Variants in PPFIA2 observed in about 807,000 individuals in gnomAD.
PPFIA2 encodes liprin-alpha-2.
Under a neutral mutation model 175.5 loss-of-function variants are expected in PPFIA2, and 46 were observed. That is an observed-to-expected ratio of 0.26 (90% CI 0.21 to 0.34). The LOEUF (loss-of-function observed/expected upper bound fraction) is 0.34, where lower values mean the gene tolerates loss of function less well. PPFIA2 is among the 10% of genes least tolerant of loss of function. The pLI, the probability that PPFIA2 is intolerant of heterozygous loss-of-function variation, is 1.00. For synonymous variants in PPFIA2, 568 were observed against 511.4 expected, an observed-to-expected ratio of 1.11 and a Z score of -1.49; for missense variants, 1,179 against 1,506.1, an observed-to-expected ratio of 0.78 and a Z score of 3.60.
At chr12:81,518,800 A>G (rs1476792234) in intron 4 of PPFIA2, among the ~76,000 whole-genome samples, 1 of 152,182 alleles carries the variant, frequency 6.6e-6, no homozygotes, top group Non-Finnish European at 1.5e-5. Context: ...TCAGATGGTG[A>G]AACTGTGGCT....
intron 4 of PPFIA2, among the ~76,000 whole-genome samples, chr12:81,487,245 A>G (rs1308022554): frequency 6.6e-6 from 1 of 151,900 alleles, no homozygotes; most frequent in Non-Finnish European, 1.5e-5. Context: ...CAAGGAGGTT[A>G]AAGTCTCCAG....
rs1555549748 is a variant in PPFIA2, at chr12:81,642,769, T to TATATATTATATACCTAC, written c.303+34021_303+34022insGTAGGTATATAATATAT. Among the ~76,000 whole-genome samples, 10 of 31,608 alleles carry TATATATTATATACCTAC rather than the reference T, an allele frequency of 3.2e-4. 3 individuals carry two copies. Among genetic ancestry groups the TATATATTATATACCTAC allele is most frequent in the African/African-American group, 1.6e-3 (10 of 6,392 alleles). 20.7% of individuals were successfully genotyped at this position (31,608 alleles called of 152,430 possible). A position where few individuals can be genotyped will look rare whatever the true frequency, so the allele number is the denominator to read the frequency against. On this transcript the variant is annotated intron_variant, in intron 4 of 32. Coordinates refer to ENST00000549396, the MANE Select transcript of PPFIA2 (RefSeq NM_003625.5). ...TGTATTATATACATACATGTATATG[T>TATATATTATATACCTAC]ATGTATGTATTATATACATACATGT...
intron 4 of PPFIA2, among the ~76,000 whole-genome samples, chr12:81,583,476 C>T (rs572538328): frequency 1.1e-4 from 16 of 151,696 alleles, no homozygotes; most frequent in Non-Finnish European, 1.8e-4. Flanking sequence ...CAGTAAAGAT[C>T]AGAGAAAATA....
At chr12:81,725,746 T>A (rs1405683908) in intron 3 of PPFIA2, among the ~76,000 whole-genome samples, 1 of 150,722 alleles carries the variant, frequency 6.6e-6, no homozygotes, top group African/African-American at 2.4e-5. Context: ...CAGACAACCC[T>A]TTGAATAATC....
chr12:81,273,040 A>C (rs558943867), intron 28 of PPFIA2, among the ~76,000 whole-genome samples: 1 of 152,302 alleles, frequency 6.6e-6, no homozygotes, highest in Non-Finnish European at 1.5e-5. Flanking sequence ...GTTTTATCAG[A>C]GACCTCAAAT....
At chr12:81,628,805 A>G (rs2063028431) in intron 4 of PPFIA2, among the ~76,000 whole-genome samples, 1 of 152,108 alleles carries the variant, frequency 6.6e-6, no homozygotes, top group Admixed American at 6.5e-5. Context: ...CAAAATATCT[A>G]TTGAGTCCTC....
At chr12:81,401,298 T>C (rs971961970) in intron 8 of PPFIA2, among the ~76,000 whole-genome samples, 3 of 152,170 alleles carry the variant, frequency 2.0e-5, no homozygotes, top group African/African-American at 7.2e-5. Flanking sequence ...CTATACAATA[T>C]GCCTAAGATG....
chr12:81,739,745 T>C (rs1330339485), intron 3 of PPFIA2, among the ~76,000 whole-genome samples: 1 of 152,074 alleles, frequency 6.6e-6, no homozygotes. Flanking sequence ...GTAAGAATAA[T>C]ACATGAAAAT....
chr12:81,696,322 G>T (rs2075885630), intron 3 of PPFIA2, among the ~76,000 whole-genome samples: 1 of 152,074 alleles, frequency 6.6e-6, no homozygotes, highest in Non-Finnish European at 1.5e-5. Flanking sequence ...TTTGCACATT[G>T]GCAGGAGGAT....
chr12:81,474,166 T>A (rs1218716396), intron 4 of PPFIA2, among the ~76,000 whole-genome samples: 1 of 152,134 alleles, frequency 6.6e-6, no homozygotes, highest in Admixed American at 6.6e-5. Context: ...TTAACTAATT[T>A]GTTTTGAGAT....
At chr12:81,278,339 GAGACCAGCTTGGTCAA>G (rs2041110016) in intron 27 of PPFIA2, among the ~76,000 whole-genome samples, 1 of 151,956 alleles carries the variant, frequency 6.6e-6, no homozygotes, top group Admixed American at 6.6e-5. Flanking sequence ...TCAGGAGTTC[GAGACCAGCTTGGTCAA>G]TATGGTGAAA....
intron 4 of PPFIA2, among the ~76,000 whole-genome samples, chr12:81,472,124 T>C (rs2056836438): frequency 6.6e-6 from 1 of 152,172 alleles, no homozygotes; most frequent in Non-Finnish European, 1.5e-5. Context: ...TGTATGATCC[T>C]CTTAATATTT....
chr12:81,418,748 A>G (rs2045758850), intron 7 of PPFIA2, among the ~76,000 whole-genome samples: 1 of 151,996 alleles, frequency 6.6e-6, no homozygotes. Context: ...AGTCAGAACT[A>G]TAACTAAAAT....
chr12:81,427,855 T>C (rs2083286245), intron 7 of PPFIA2, among the ~76,000 whole-genome samples: 1 of 152,114 alleles, frequency 6.6e-6, no homozygotes, highest in East Asian at 1.9e-4. Flanking sequence ...AATTTACTAA[T>C]ACATTCTATT....
chr12:81,513,594 C>T (rs1488875778), intron 4 of PPFIA2, among the ~76,000 whole-genome samples: 1 of 151,916 alleles, frequency 6.6e-6, no homozygotes, highest in Non-Finnish European at 1.5e-5. Flanking sequence ...TTCACATGTA[C>T]CTTTCATCCT....
chr12:81,505,289 AG>A (rs1474404958), intron 4 of PPFIA2, among the ~76,000 whole-genome samples: 60 of 152,034 alleles, frequency 3.9e-4, no homozygotes, highest in Admixed American at 1.6e-3. Flanking sequence ...AAAAAAAGAA[AG>A]AAAAGGGAAG....
At chr12:81,517,256 A>G (rs1227798887) in intron 4 of PPFIA2, among the ~76,000 whole-genome samples, 6 of 152,128 alleles carry the variant, frequency 3.9e-5, no homozygotes, top group African/African-American at 1.4e-4. Flanking sequence ...TTTAAGCCAA[A>G]CATTTAGTAA....
intron 14 of PPFIA2, 114 bp from the exon 15 acceptor site, chr12:81,362,898 A>G (rs2031466384): frequency 1.3e-5 from 8 of 636,296 alleles, no homozygotes; most frequent in Non-Finnish European, 2.1e-5. Flanking sequence ...ATTTTTATTA[A>G]AGGTTATTAC....
At position 81,341,428 on chromosome 12, in the gene PPFIA2, G is replaced by A. The variant is rs575858641; in HGVS notation, c.2263-220C>T. 6.3e-4 allele frequency among the ~76,000 whole-genome samples: 85 copies of A among 135,392 alleles called. 3 individuals are homozygous for A. In the South Asian group the frequency reaches 0.02, roughly 33 times the overall value. 88.8% of individuals were successfully genotyped at this position (135,392 alleles called of 152,430 possible). A position where few individuals can be genotyped will look rare whatever the true frequency, so the allele number is the denominator to read the frequency against. ...ACATTAAAATTAAAAAAAAATCATA[G>A]ACCCACTACACAAAAATGTTTGATT... On this transcript the variant is annotated intron_variant, in intron 19 of 32. Coordinates refer to ENST00000549396, the MANE Select transcript of PPFIA2 (RefSeq NM_003625.5).
Sources: allele counts gnomAD v4.1 joint callset (sites outside exome capture counted in the v4.1 genomes callset), GRCh38; gene constraint gnomAD v4.1.1; transcripts MANE v1.5; gene names NCBI Gene and HGNC (gene_info 2026-07-23, HGNC 2026-07-21).